Variants in SLC16A9 observed in about 807,000 individuals in gnomAD.
SLC16A9 encodes the protein solute carrier family 16 member 9.
Under a neutral mutation model 44.3 loss-of-function variants are expected in SLC16A9, and 26 were observed. That is an observed-to-expected ratio of 0.59 (90% CI 0.43 to 0.81). SLC16A9 has a LOEUF of 0.81. Ranked by LOEUF, SLC16A9 falls within the 40% of genes least tolerant of loss-of-function variation. The probability of loss-of-function intolerance (pLI) is 0.00; values close to 1 mark genes in which losing one functional copy is unlikely to be tolerated. For missense variants in SLC16A9, 559 were observed against 595.8 expected, an observed-to-expected ratio of 0.94 and a Z score of 0.64; for synonymous variants, 230 against 225.1, an observed-to-expected ratio of 1.02 and a Z score of -0.19.
intron 4 of SLC16A9, among the ~76,000 whole-genome samples, chr10:59,662,306 C>T (rs1839493194): frequency 6.6e-6 from 1 of 150,980 alleles, no homozygotes; most frequent in African/African-American, 2.4e-5. Context: ...AAAAACCCAT[C>T]AAAAAGTGGT....
chr10:59,652,931 G>C lies in SLC16A9; in HGVS notation c.1371C>G (p.Thr457=), dbSNP rs1839242734. The C allele has an allele frequency of 6.2e-7, 1 of 1,602,374 alleles. No individual in the cohort carries two copies. Among genetic ancestry groups the C allele is most frequent in the East Asian group, 2.2e-5 (1 of 44,656 alleles). Reference sequence around the variant, plus strand: ...AATAAAATGCAATATCATAGGTCTGGGTCCAGTCATAAAACCAACCTGAAA... The same window carrying C: ...AATAAAATGCAATATCATAGGTCTGCGTCCAGTCATAAAACCAACCTGAAA... ...PPIVGWFYDW[T]QTYDIAFYFS... The change falls in exon 6 of 6, where the codon ACC becomes ACG. Residue 457 remains threonine, a synonymous_variant. Coordinates refer to ENST00000395348, the MANE Select transcript of SLC16A9 (RefSeq NM_194298.3).
At chr10:59,678,262 C>T (rs915256255) in intron 2 of SLC16A9, among the ~76,000 whole-genome samples, 9 of 151,924 alleles carry the variant, frequency 5.9e-5, no homozygotes, top group Admixed American at 4.6e-4. Flanking sequence ...TCAGTTGGGC[C>T]TGTGAAGGTC....
chr10:59,660,263 A>G (rs1172895701), intron 4 of SLC16A9, among the ~76,000 whole-genome samples: 4 of 152,200 alleles, frequency 2.6e-5, no homozygotes, highest in Non-Finnish European at 5.9e-5. Flanking sequence ...AGCCAGACTA[A>G]TAAGTAAGAA....
In SLC16A9 at chr10:59,652,624, TA is replaced by T. The variant is rs148583829; in HGVS notation, c.*147del. On this transcript the variant is annotated 3_prime_UTR_variant, in exon 6 of 6. Transcript: ENST00000395348. The stretch of plus-strand genomic sequence containing the variant: ...TACACTACATAAAAAATAGGATATA[TA>T]AAAAAAAATAATTCATTCAGAGTCA... The T allele has an allele frequency of 1.6e-3, 1,086 of 660,376 alleles. 4 individuals are homozygous for T. The highest frequency in any genetic ancestry group is 1.6e-3 in the African/African-American group (85 of 53,466). 40.9% of individuals were successfully genotyped at this position (660,376 alleles called of 1,614,324 possible). A position where few individuals can be genotyped will look rare whatever the true frequency, so the allele number is the denominator to read the frequency against.
intron 1 of SLC16A9, among the ~76,000 whole-genome samples, chr10:59,691,182 G>A (rs1052794799): frequency 2.6e-5 from 4 of 152,166 alleles, no homozygotes; most frequent in Non-Finnish European, 4.4e-5. Flanking sequence ...TACATTCAAC[G>A]TTTTGGAGTC....
chr10:59,701,179 G>A (rs1840514847), intron 1 of SLC16A9, among the ~76,000 whole-genome samples: 2 of 152,128 alleles, frequency 1.3e-5, no homozygotes, highest in African/African-American at 4.8e-5. Flanking sequence ...TTGCATTCCA[G>A]CTCTTCCTTG....
At chr10:59,677,477 C>G (rs898939679) in intron 2 of SLC16A9, among the ~76,000 whole-genome samples, 24 of 152,108 alleles carry the variant, frequency 1.6e-4, no homozygotes, top group Admixed American at 9.8e-4. Flanking sequence ...GCCCACCCTA[C>G]TGGACAGCAC....
intron 1 of SLC16A9, among the ~76,000 whole-genome samples, chr10:59,697,868 G>A (rs1191418091): frequency 6.6e-6 from 1 of 151,030 alleles, no homozygotes; most frequent in African/African-American, 2.4e-5. Context: ...GGGATTTTAA[G>A]CCAATTGTTT....
chr10:59,694,141 G>C (rs542314907), intron 1 of SLC16A9, among the ~76,000 whole-genome samples: 1 of 147,230 alleles, frequency 6.8e-6, no homozygotes, highest in South Asian at 2.1e-4. Flanking sequence ...GGGTTTCACC[G>C]TGTAAATCAG....
chr10:59,673,894 GAC>G (rs1228377412), intron 2 of SLC16A9, among the ~76,000 whole-genome samples: 1 of 151,034 alleles, frequency 6.6e-6, no homozygotes, highest in African/African-American at 2.4e-5. Flanking sequence ...GTAAATGAAA[GAC>G]ACAATGTAAA....
intron 3 of SLC16A9, among the ~76,000 whole-genome samples, chr10:59,667,060 AT>A (rs1839636106): frequency 6.6e-6 from 1 of 152,158 alleles, no homozygotes; most frequent in South Asian, 2.1e-4. Context: ...ATTTTTTGAT[AT>A]TTTTTGATAG....
intron 1 of SLC16A9, among the ~76,000 whole-genome samples, chr10:59,693,172 T>G (rs1239176917): frequency 2.0e-5 from 3 of 152,224 alleles, no homozygotes; most frequent in Non-Finnish European, 4.4e-5. Context: ...TTATAACTGA[T>G]TTTTATAACA....
At chr10:59,675,164 T>C (rs1420279522) in intron 2 of SLC16A9, among the ~76,000 whole-genome samples, 1 of 152,160 alleles carries the variant, frequency 6.6e-6, no homozygotes, top group Non-Finnish European at 1.5e-5. Flanking sequence ...AGCTGAAATT[T>C]TGGAAGTTGA....
rs751112027 is a variant in SLC16A9, at chr10:59,678,546, C to CTTTTTTTTTTTTTTTTTTTTTTT, written c.196+5549_196+5550insAAAAAAAAAAAAAAAAAAAAAAA. Among the ~76,000 whole-genome samples, 23 of 30,612 alleles carry CTTTTTTTTTTTTTTTTTTTTTTT rather than the reference C, an allele frequency of 7.5e-4. 6 individuals are homozygous for CTTTTTTTTTTTTTTTTTTTTTTT. Among genetic ancestry groups the CTTTTTTTTTTTTTTTTTTTTTTT allele is most frequent in the East Asian group, 2.3e-3 (2 of 856 alleles). The allele number at this position is 30,612 out of a possible 152,430, so 20.1% of individuals were successfully genotyped here. ...ATCTTTTTTTTTTCTTTTTCTTTTT[C>CTTTTTTTTTTTTTTTTTTTTTTT]TTTTTTTTGAGACGGAGTCTCGCTC... On this transcript the variant is annotated intron_variant, in intron 2 of 5. Coordinates refer to ENST00000395348, the MANE Select transcript of SLC16A9 (RefSeq NM_194298.3).
At chr10:59,658,931 G>A (rs187945981) in intron 4 of SLC16A9, among the ~76,000 whole-genome samples, 6 of 152,226 alleles carry the variant, frequency 3.9e-5, no homozygotes, top group Admixed American at 2.6e-4. Flanking sequence ...AACTACTGAC[G>A]TTCTTCAGGC....
chr10:59,694,338 G>C (rs932538594), intron 1 of SLC16A9, among the ~76,000 whole-genome samples: 1 of 152,006 alleles, frequency 6.6e-6, no homozygotes, highest in African/African-American at 2.4e-5. Flanking sequence ...TCATGTTTCT[G>C]ACTACTAGCA....
chr10:59,684,066 G>C (rs1289198221), intron 2 of SLC16A9, 30 bp downstream of exon 2: 12 of 1,573,534 alleles, frequency 7.6e-6, no homozygotes, highest in Non-Finnish European at 9.6e-6. Flanking sequence ...TGATTAAAGA[G>C]TAAAGAGAGG....
chr10:59,668,377 T>A (rs937059992), intron 3 of SLC16A9, among the ~76,000 whole-genome samples: 5 of 152,074 alleles, frequency 3.3e-5, no homozygotes, highest in African/African-American at 1.2e-4. Flanking sequence ...CCATCCCCAC[T>A]CCCCTTCCAA....
In SLC16A9 at chr10:59,689,583, A is replaced by G. The variant is rs113764804; in HGVS notation, c.-36-5256T>C. ...TATGGATCCCCATGAAAGTGCACTG[A>G]AGAGACCTCTGTCAGTCCTACTACG... On this transcript the variant is annotated intron_variant, in intron 1 of 5. Coordinates refer to ENST00000395348, the MANE Select transcript of SLC16A9 (RefSeq NM_194298.3). Among the ~76,000 whole-genome samples, 1,180 of 152,320 alleles carry G rather than the reference A, an allele frequency of 7.7e-3. 16 individuals carry two copies. Among genetic ancestry groups the G allele is most frequent in the African/African-American group, 0.027 (1,140 of 41,572 alleles).
Sources: gnomAD v4.1 joint callset for allele counts (sites outside exome capture counted in the v4.1 genomes callset) on GRCh38, gnomAD v4.1.1 for gene constraint, MANE v1.5 for transcripts, NCBI Gene and HGNC (gene_info 2026-07-23, HGNC 2026-07-21) for gene names.